The following EFCAB6 variants were observed in gnomAD, a reference collection of about 807,000 sequenced individuals.
EFCAB6 encodes the protein EF-hand calcium binding domain 6.
In EFCAB6, 156 loss-of-function variants were observed where a neutral mutation model predicts 169.8. The ratio of observed to expected loss-of-function variants is 0.92; its 90% CI spans 0.81 to 1.05. The LOEUF is 1.05. Among genes scored for constraint, EFCAB6 ranks in the 50% least tolerant of loss-of-function variants. EFCAB6 has a pLI of 0.00. For missense variants in EFCAB6, 1,800 were observed against 1,829.1 expected, an observed-to-expected ratio of 0.98 and a Z score of 0.29; for synonymous variants, 698 against 676.4, an observed-to-expected ratio of 1.03 and a Z score of -0.50.
intron 2 of EFCAB6, among the ~76,000 whole-genome samples, chr22:43,807,477 C>T (rs1181440938): frequency 6.6e-6 from 1 of 152,224 alleles, no homozygotes; most frequent in Non-Finnish European, 1.5e-5. Flanking sequence ...AGAAGGCTAT[C>T]TCACTGATAT....
chr22:43,762,345 C>A (rs1057055944), intron 5 of EFCAB6, among the ~76,000 whole-genome samples: 2 of 152,144 alleles, frequency 1.3e-5, no homozygotes, highest in Non-Finnish European at 2.9e-5. Flanking sequence ...TCTCTTGTCT[C>A]CATACTCCAA....
intron 17 of EFCAB6, among the ~76,000 whole-genome samples, chr22:43,651,097 A>G (rs1007426240): frequency 1.4e-4 from 21 of 152,192 alleles, no homozygotes; most frequent in Admixed American, 1.4e-3. Context: ...CGAGGAGGAG[A>G]ATATTAATCC....
rs538685086 is a variant in EFCAB6, at chr22:43,751,048, A to G, written c.507+4718T>C. On this transcript the variant is annotated intron_variant, in intron 6 of 31. Coordinates refer to ENST00000262726, the MANE Select transcript of EFCAB6 (RefSeq NM_022785.4). ...TGGCATCATGGTGCCTGAACCTTCA[A>G]GCATTTTTTTCTTCTGAGAGCTCCC... Among the ~76,000 whole-genome samples, 6 of 152,360 alleles carry G rather than the reference A, an allele frequency of 3.9e-5. No individual in the cohort carries two copies. In the South Asian group the frequency reaches 1.0e-3, roughly 26 times the overall value.
At chr22:43,639,423 G>A (rs5763947) in intron 17 of EFCAB6, among the ~76,000 whole-genome samples, 36,558 of 152,096 alleles carry the variant, frequency 0.24, 5,469 homozygotes, top group East Asian at 0.62. Context: ...GGAGGTTTAC[G>A]TTTGGTTTTG....
At position 43,617,571 on chromosome 22, in the gene EFCAB6, C is replaced by T. The variant is rs564334112; in HGVS notation, c.2466-1649G>A. Reference sequence around the variant, plus strand: ...TACATACTTGGCCCTCTTGAGAGATCAGGAGGTTTTCTGGTGGTTACTTAA... The same window carrying T: ...TACATACTTGGCCCTCTTGAGAGATTAGGAGGTTTTCTGGTGGTTACTTAA... On this transcript the variant is annotated intron_variant, in intron 20 of 31. Transcript: ENST00000262726. Among the ~76,000 whole-genome samples the T allele has an allele frequency of 2.0e-5, 3 of 152,308 alleles. No homozygotes were observed. The East Asian group carries it at 5.8e-4, about 29-fold the overall frequency.
chr22:43,784,413 G>A (rs2061935867), intron 2 of EFCAB6, among the ~76,000 whole-genome samples: 1 of 150,140 alleles, frequency 6.7e-6, no homozygotes, highest in South Asian at 2.1e-4. Flanking sequence ...TGCTTTGAGA[G>A]GCTGAGGCAG....
chr22:43,591,104 G>GTTTTTTTTTTTTTTTTTTTTTTTTT (rs1322016271), intron 23 of EFCAB6, among the ~76,000 whole-genome samples: 1 of 104,382 alleles, frequency 9.6e-6, no homozygotes, highest in Non-Finnish European at 2.0e-5. Flanking sequence ...GTTGTTTTTT[G>GTTTTTTTTTTTTTTTTTTTTTTTTT]TTTTTTGTTT....
At chr22:43,812,081 A>T (rs1250663530) in intron 1 of EFCAB6, 87 bp downstream of exon 1, 1 of 152,302 alleles carries the variant, frequency 6.6e-6, no homozygotes, top group Non-Finnish European at 1.5e-5. Context: ...CGGCCTTCTC[A>T]GGGCAGTGAG....
chr22:43,788,842 A>C (rs1222695174), intron 2 of EFCAB6, among the ~76,000 whole-genome samples: 1 of 152,248 alleles, frequency 6.6e-6, no homozygotes, highest in Non-Finnish European at 1.5e-5. Context: ...AACTTCCATC[A>C]GTGGGTGAGT....
chr22:43,660,716 C>T (rs1283622466), intron 17 of EFCAB6, among the ~76,000 whole-genome samples: 1 of 152,172 alleles, frequency 6.6e-6, no homozygotes, highest in African/African-American at 2.4e-5. Context: ...GCACCTTGCC[C>T]TTCATGCCTC....
At chr22:43,730,279 G>C (rs866436697) in intron 8 of EFCAB6, among the ~76,000 whole-genome samples, 2 of 111,110 alleles carry the variant, frequency 1.8e-5, no homozygotes, top group Admixed American at 9.2e-5. Context: ...AGGGAGGGAG[G>C]GATGGAGGGA....
At chr22:43,757,010 C>G (rs1040106649) in intron 5 of EFCAB6, among the ~76,000 whole-genome samples, 5 of 152,030 alleles carry the variant, frequency 3.3e-5, no homozygotes, top group African/African-American at 4.8e-5. Flanking sequence ...ATGCCAGGCT[C>G]GTGAGTCTGT....
chr22:43,629,818 G>A (rs749472221), intron 19 of EFCAB6, among the ~76,000 whole-genome samples: 20 of 152,124 alleles, frequency 1.3e-4, no homozygotes, highest in African/African-American at 2.7e-4. Flanking sequence ...CTTGTGGGCC[G>A]GCCAGGCGGG....
intron 20 of EFCAB6, among the ~76,000 whole-genome samples, chr22:43,621,291 G>A (rs547079335): frequency 4.6e-5 from 7 of 151,914 alleles, no homozygotes; most frequent in African/African-American, 7.2e-5. Flanking sequence ...TAGTAGAGAC[G>A]GGGTTTTGCC....
At chr22:43,620,699 A>T (rs1602663846) in intron 20 of EFCAB6, among the ~76,000 whole-genome samples, 2 of 152,150 alleles carry the variant, frequency 1.3e-5, no homozygotes, top group African/African-American at 4.8e-5. Flanking sequence ...ATAATACACA[A>T]TTTTTTTTCT....
intron 27 of EFCAB6, among the ~76,000 whole-genome samples, chr22:43,544,832 G>A (rs2047951672): frequency 6.6e-6 from 1 of 152,032 alleles, no homozygotes; most frequent in South Asian, 2.1e-4. Flanking sequence ...AGATAAAAAA[G>A]ATATTCAGTG....
chr22:43,696,973 T>C (rs754700453), intron 10 of EFCAB6, among the ~76,000 whole-genome samples: 18 of 152,084 alleles, frequency 1.2e-4, no homozygotes, highest in African/African-American at 2.9e-4. Flanking sequence ...TTTTTAGACA[T>C]AGAAAATGGA....
At chr22:43,674,152 G>A (rs552778183) in intron 13 of EFCAB6, among the ~76,000 whole-genome samples, 18 of 152,238 alleles carry the variant, frequency 1.2e-4, no homozygotes, top group African/African-American at 4.3e-4. Flanking sequence ...ATGTGGATTT[G>A]GAAGAATATA....
chr22:43,784,670 C>CACATATATATGTGT (rs2062004324), intron 2 of EFCAB6, among the ~76,000 whole-genome samples: 1 of 55,546 alleles, frequency 1.8e-5, no homozygotes, highest in Non-Finnish European at 3.6e-5. Context: ...TATACATATA[C>CACATATATATGTGT]ATATATACAC....
Sources: allele counts gnomAD v4.1 joint callset (sites outside exome capture counted in the v4.1 genomes callset), GRCh38; gene constraint gnomAD v4.1.1; transcripts MANE v1.5; gene names NCBI Gene and HGNC (gene_info 2026-07-23, HGNC 2026-07-21).